The following CA10 variants were observed in gnomAD, a reference collection of about 807,000 sequenced individuals.
CA10 encodes carbonic anhydrase 10 (inactive).
In CA10, 14 loss-of-function variants were observed where a neutral mutation model predicts 44.2. That is an observed-to-expected ratio of 0.32 (90% CI 0.21 to 0.50). The LOEUF is 0.50. Among genes scored for constraint, CA10 ranks in the 20% least tolerant of loss-of-function variants. The pLI, the probability that CA10 is intolerant of heterozygous loss-of-function variation, is 0.99. For missense variants in CA10, 350 were observed against 409.7 expected (o/e 0.85, Z 1.26); for synonymous variants, 159 against 141.6 (o/e 1.12, Z -0.87).
intron 1 of CA10, among the ~76,000 whole-genome samples, chr17:52,088,767 G>A (rs762593941): frequency 6.6e-6 from 1 of 152,074 alleles, no homozygotes; most frequent in Non-Finnish European, 1.5e-5. Flanking sequence ...AATGTTACAT[G>A]CCAGCATATG....
chr17:51,902,538 G>A (rs982889491), intron 3 of CA10, among the ~76,000 whole-genome samples: 1 of 152,142 alleles, frequency 6.6e-6, no homozygotes, highest in Non-Finnish European at 1.5e-5. Flanking sequence ...CACACAATGA[G>A]CTAGTAAAAA....
chr17:51,904,486 T>C (rs1288688695), intron 3 of CA10, among the ~76,000 whole-genome samples: 1 of 152,096 alleles, frequency 6.6e-6, no homozygotes, highest in African/African-American at 2.4e-5. Context: ...TCCCCCAGCT[T>C]CATCCATCCT....
At chr17:51,953,451 T>C (rs1416114458) in intron 2 of CA10, among the ~76,000 whole-genome samples, 2 of 143,264 alleles carry the variant, frequency 1.4e-5, no homozygotes, top group African/African-American at 5.0e-5. Context: ...CCCTGGATAT[T>C]TTTGTTTTTT....
intron 2 of CA10, among the ~76,000 whole-genome samples, chr17:51,946,958 T>C (rs1320180134): frequency 6.6e-6 from 1 of 152,128 alleles, no homozygotes. Flanking sequence ...TTACTTGCTC[T>C]GGCTCTCATA....
chr17:51,801,467 A>G (rs574726467), intron 3 of CA10, among the ~76,000 whole-genome samples: 1 of 152,018 alleles, frequency 6.6e-6, no homozygotes, highest in African/African-American at 2.4e-5. Flanking sequence ...GTGCTTTCTA[A>G]TTTTCACACT....
chr17:51,781,024 T>C (rs1194141743), intron 3 of CA10, among the ~76,000 whole-genome samples: 1 of 152,146 alleles, frequency 6.6e-6, no homozygotes, highest in African/African-American at 2.4e-5. Context: ...GACACTCTCT[T>C]CTAAATATGT....
intron 2 of CA10, among the ~76,000 whole-genome samples, chr17:52,047,694 T>C (rs1309638366): frequency 8.6e-5 from 13 of 151,984 alleles, no homozygotes; most frequent in Non-Finnish European, 1.8e-4. Flanking sequence ...TTCCAGAGTT[T>C]TTCTTCTATA....
At chr17:51,989,638 C>T (rs975835807) in intron 2 of CA10, among the ~76,000 whole-genome samples, 5 of 151,980 alleles carry the variant, frequency 3.3e-5, no homozygotes, top group African/African-American at 1.2e-4. Context: ...AGAATGAGAT[C>T]ATGTCCTTTA....
intron 3 of CA10, among the ~76,000 whole-genome samples, chr17:51,812,445 C>G (rs1341541897): frequency 6.6e-6 from 1 of 152,170 alleles, no homozygotes; most frequent in Non-Finnish European, 1.5e-5. Flanking sequence ...AATATTTACA[C>G]CACTGAAATT....
At chr17:51,688,761 C>T (rs371875767) in intron 4 of CA10, among the ~76,000 whole-genome samples, 11 of 152,088 alleles carry the variant, frequency 7.2e-5, no homozygotes, top group African/African-American at 2.2e-4. Flanking sequence ...CCTTCTTGAC[C>T]TTAGAAGAGC....
intron 3 of CA10, among the ~76,000 whole-genome samples, chr17:51,749,024 T>C (rs1904803151): frequency 6.6e-6 from 1 of 152,176 alleles, no homozygotes; most frequent in Non-Finnish European, 1.5e-5. Flanking sequence ...ATGACAAGTG[T>C]CACTTCCAGG....
chr17:52,099,157 A>AG (rs758002953), intron 1 of CA10, among the ~76,000 whole-genome samples: 3 of 152,100 alleles, frequency 2.0e-5, no homozygotes, highest in East Asian at 3.8e-4. Flanking sequence ...ATAGATAATA[A>AG]GAAAAAAAAG....
rs77803921 is a variant in CA10, at chr17:52,048,406, C to T, written c.136+23913G>A. Among the ~76,000 whole-genome samples, 1,065 of 152,078 alleles carry T rather than the reference C, an allele frequency of 7.0e-3. 13 individuals are homozygous for T. Among genetic ancestry groups the T allele is most frequent in the African/African-American group, 0.022 (915 of 41,508 alleles). On this transcript the variant is annotated intron_variant, in intron 2 of 8. Coordinates refer to ENST00000451037, the MANE Select transcript of CA10 (RefSeq NM_020178.5). ...TAAGCACCTACTGTTAGCCAGGCAC[C>T]GTGCAGGCAGTATAGCGGGTGGAAA...
intron 3 of CA10, among the ~76,000 whole-genome samples, chr17:51,805,631 A>G (rs1706088736): frequency 6.6e-6 from 1 of 152,232 alleles, no homozygotes; most frequent in African/African-American, 2.4e-5. Context: ...TAATTTACAT[A>G]CCATAAAATT....
At chr17:51,814,831 C>T (rs1322961569) in intron 3 of CA10, among the ~76,000 whole-genome samples, 1 of 152,174 alleles carries the variant, frequency 6.6e-6, no homozygotes, top group Non-Finnish European at 1.5e-5. Flanking sequence ...ACCACTCCAA[C>T]CCCCATTAAA....
chr17:51,719,783 G>A (rs542916253), intron 4 of CA10, among the ~76,000 whole-genome samples: 1 of 152,238 alleles, frequency 6.6e-6, no homozygotes, highest in South Asian at 2.1e-4. Context: ...CAGCTACTCA[G>A]GAAGTTGAGG....
chr17:51,677,813 A>G (rs772918348), intron 4 of CA10, among the ~76,000 whole-genome samples: 7 of 152,044 alleles, frequency 4.6e-5, no homozygotes, highest in Non-Finnish European at 1.0e-4. Flanking sequence ...TAAGCACTCA[A>G]AACAATTTGG....
chr17:51,649,889 A>C (rs1913491203), intron 5 of CA10, among the ~76,000 whole-genome samples: 1 of 151,842 alleles, frequency 6.6e-6, no homozygotes, highest in Admixed American at 6.6e-5. Flanking sequence ...AAAAAAAAAA[A>C]AACTGAAAAG....
Position 51,669,809 on chromosome 17 carries a change from A to G in CA10, c.466-16073T>C, listed in dbSNP as rs907706295. On this transcript the variant is annotated intron_variant, in intron 4 of 8. Coordinates refer to ENST00000451037, the MANE Select transcript of CA10 (RefSeq NM_020178.5). Reference sequence around the variant, plus strand: ...ACTCACCGTGAGGGTCTGTGGCTTCATTCTTGAAGTCAGCAAGACCAAGAA... The same window carrying G: ...ACTCACCGTGAGGGTCTGTGGCTTCGTTCTTGAAGTCAGCAAGACCAAGAA... 4.6e-5 allele frequency among the ~76,000 whole-genome samples: 7 copies of G among 152,346 alleles called. No individual in the cohort carries two copies. In the East Asian group the frequency reaches 1.4e-3, roughly 29 times the overall value.
Sources: allele counts gnomAD v4.1 joint callset (sites outside exome capture counted in the v4.1 genomes callset), GRCh38; gene constraint gnomAD v4.1.1; transcripts MANE v1.5; gene names NCBI Gene and HGNC (gene_info 2026-07-23, HGNC 2026-07-21).